The following GNAS-AS1 variants were observed in gnomAD, a reference collection of about 807,000 sequenced individuals.
The protein encoded by GNAS-AS1 is GNAS antisense RNA 1 (non-protein coding).
At chr20:58,829,923 C>T (rs957314906) in intron 4 of GNAS-AS1, among the ~76,000 whole-genome samples, 2 of 152,154 alleles carry the variant, frequency 1.3e-5, no homozygotes, top group African/African-American at 4.8e-5. Flanking sequence ...TCGCAGAGTA[C>T]AGGACCTAGA....
intron 4 of GNAS-AS1, among the ~76,000 whole-genome samples, chr20:58,824,721 G>C (rs1433956356): frequency 2.0e-5 from 3 of 152,174 alleles, no homozygotes; most frequent in South Asian, 4.1e-4. Context: ...GAAACCAAAT[G>C]CAGAAGCTGA....
Position 58,838,867 on chromosome 20 carries a change from A to G in GNAS-AS1, n.819+3070T>C, listed in dbSNP as rs561449334. On this transcript the variant is annotated intron_variant and non_coding_transcript_variant, in intron 4 of 4. Transcript: ENST00000424094. ...AGGAGGCAGAGGTTGCAGTGACCCA[A>G]GATCACATCAGTGCACTCCAGCTTG... The G allele has an allele frequency of 7.6e-6, 3 of 394,318 alleles. No homozygotes were observed. The South Asian group carries it at 4.3e-4, about 57-fold the overall frequency. The allele number at this position is 394,318 out of a possible 1,614,324, so 24.4% of individuals were successfully genotyped here.
At chr20:58,827,797 G>A (rs1446588592) in intron 4 of GNAS-AS1, among the ~76,000 whole-genome samples, 2 of 152,214 alleles carry the variant, frequency 1.3e-5, no homozygotes, top group Admixed American at 6.5e-5. Context: ...TATTTGTGAA[G>A]TTGGTAACCT....
intron 2 of GNAS-AS1, among the ~76,000 whole-genome samples, chr20:58,848,184 C>T (rs1164678569): frequency 2.0e-5 from 3 of 152,334 alleles, no homozygotes; most frequent in East Asian, 3.9e-4. Context: ...CAAGTGCAGA[C>T]GCTATTATTT....
At chr20:58,847,459 A>G (rs770202216) in intron 2 of GNAS-AS1, among the ~76,000 whole-genome samples, 6 of 152,250 alleles carry the variant, frequency 3.9e-5, no homozygotes, top group Admixed American at 6.5e-5. Flanking sequence ...AAAGTAATTA[A>G]TTGTACAGCT....
intron 4 of GNAS-AS1, among the ~76,000 whole-genome samples, chr20:58,830,475 TCATCACCATCACCACCATCAC>T (rs2085555606): frequency 1.0e-4 from 5 of 48,994 alleles, no homozygotes; most frequent in Non-Finnish European, 1.6e-4. Flanking sequence ...CACACCACCA[TCATCACCATCACCACCATCAC>T]CACCACACCA....
chr20:58,837,543 A>G (rs899721817), intron 4 of GNAS-AS1, among the ~76,000 whole-genome samples: 1 of 152,260 alleles, frequency 6.6e-6, no homozygotes, highest in Admixed American at 6.5e-5. Context: ...CCCAGGTTCA[A>G]GCAATTCTTG....
chr20:58,845,464 T>G (rs554042982), intron 2 of GNAS-AS1, among the ~76,000 whole-genome samples: 38 of 152,310 alleles, frequency 2.5e-4, no homozygotes, highest in African/African-American at 8.4e-4. Flanking sequence ...AGCTAAGACT[T>G]GTTTGCGCAC....
intron 4 of GNAS-AS1, chr20:58,839,997 C>T: frequency 8.0e-7 from 1 of 1,250,854 alleles, no homozygotes; most frequent in Non-Finnish European, 1.1e-6. Context: ...TCCGGGCCAG[C>T]TTCTCACCTC....
chr20:58,835,024 C>G (rs1230571706), intron 4 of GNAS-AS1, among the ~76,000 whole-genome samples: 4 of 152,026 alleles, frequency 2.6e-5, no homozygotes, highest in African/African-American at 9.7e-5. Flanking sequence ...GTCTGAATAG[C>G]AGCAAAATAG....
At position 58,838,522 on chromosome 20, in the gene GNAS-AS1, A is replaced by G. The variant is rs562600788; in HGVS notation, n.819+3415T>C. On this transcript the variant is annotated intron_variant and non_coding_transcript_variant, in intron 4 of 4. Transcript: ENST00000424094. ...TCCAAAATATCCTTTCCTTAATACA[A>G]TACTTTTGTTGTTGTTGTTCACTAC... Among the ~76,000 whole-genome samples, 13 of 152,230 alleles carry G rather than the reference A, an allele frequency of 8.5e-5. No homozygotes were observed. The South Asian group carries it at 2.5e-3, about 29-fold the overall frequency.
At chr20:58,830,191 C>T (rs1045960291) in intron 4 of GNAS-AS1, among the ~76,000 whole-genome samples, 4 of 151,310 alleles carry the variant, frequency 2.6e-5, no homozygotes, top group African/African-American at 9.7e-5. Context: ...ACCACCACCA[C>T]CACATCACCA....
intron 4 of GNAS-AS1, among the ~76,000 whole-genome samples, chr20:58,838,529 T>G (rs1488980264): frequency 6.6e-6 from 1 of 152,116 alleles, no homozygotes; most frequent in Non-Finnish European, 1.5e-5. Context: ...ACAATACTTT[T>G]GTTGTTGTTG....
chr20:58,836,217 C>T (rs1568903079), intron 4 of GNAS-AS1: 1 of 152,188 alleles, frequency 6.6e-6, no homozygotes, highest in Admixed American at 6.5e-5. Context: ...CCACGAAAAA[C>T]ATCTCCAGTG....
At position 58,841,766 on chromosome 20, in the gene GNAS-AS1, C is replaced by A; in HGVS notation, n.819+171G>T. 1 of 1,230,092 alleles carries A rather than the reference C, an allele frequency of 8.1e-7. No homozygotes were observed. Among genetic ancestry groups the A allele is most frequent in the Non-Finnish European group, 1.0e-6 (1 of 987,460 alleles). The allele number at this position is 1,230,092 out of a possible 1,614,324, so 76.2% of individuals were successfully genotyped here. A position where few individuals can be genotyped will look rare whatever the true frequency, so the allele number is the denominator to read the frequency against. Reference sequence around the variant, plus strand: ...ATGGTCACGTCGGGGTATTGCCAAGCTTTTGGCGCAGCTGGTCGGGTGGCC... The same window carrying A: ...ATGGTCACGTCGGGGTATTGCCAAGATTTTGGCGCAGCTGGTCGGGTGGCC... On this transcript the variant is annotated intron_variant and non_coding_transcript_variant, in intron 4 of 4. Transcript: ENST00000424094. This position sits in a 1 kb window ranked among gnomAD's most constrained non-coding sequence, Gnocchi z 5.0.
chr20:58,840,487 C>G lies in GNAS-AS1; in HGVS notation n.819+1450G>C. On this transcript the variant is annotated intron_variant and non_coding_transcript_variant, in intron 4 of 4. Transcript: ENST00000424094. The surrounding 1 kb of genome is among the most constrained non-coding windows in gnomAD (Gnocchi z 6.0). Reference sequence around the variant, plus strand: ...TCGAGTCCGAGACCGACTTCGAGACCGAGCCTGAGACCGCCCCCACCACTG... The same window carrying G: ...TCGAGTCCGAGACCGACTTCGAGACGGAGCCTGAGACCGCCCCCACCACTG... 6.2e-7 allele frequency: 1 copy of G among 1,613,522 alleles called. No individual in the cohort carries two copies.
At chr20:58,839,772 A>G in intron 4 of GNAS-AS1, 1 of 567,508 alleles carries the variant, frequency 1.8e-6, no homozygotes, top group Non-Finnish European at 3.1e-6. Flanking sequence ...TCTCCCAGGC[A>G]AGAGGACCGG....
At chr20:58,832,433 C>A (rs974978849) in intron 4 of GNAS-AS1, among the ~76,000 whole-genome samples, 2 of 152,264 alleles carry the variant, frequency 1.3e-5, no homozygotes, top group South Asian at 2.1e-4. Context: ...TCACCAAGGT[C>A]ATTTATAAAA....
chr20:58,842,660 C>T, intron 2 of GNAS-AS1: 2 of 396,628 alleles, frequency 5.0e-6, no homozygotes, highest in East Asian at 7.1e-5. Context: ...TTGGCTTGCC[C>T]CTAAGTCGAA....
Sources: allele counts gnomAD v4.1 joint callset (sites outside exome capture counted in the v4.1 genomes callset), GRCh38; gene constraint gnomAD v4.1.1; non-coding constraint Gnocchi (gnomAD v3.1); transcripts MANE v1.5; gene names NCBI Gene and HGNC (gene_info 2026-07-23, HGNC 2026-07-21).